MCFD2: variants seen among roughly 807,000 people sequenced by gnomAD.
MCFD2 encodes multiple coagulation factor deficiency protein 2.
MCFD2 carries 11 observed loss-of-function variants against 12.8 expected under a neutral mutation model. The observed-to-expected ratio is 0.86, with a 90% CI of 0.54 to 1.42. The LOEUF (loss-of-function observed/expected upper bound fraction) is 1.42, where lower values mean the gene tolerates loss of function less well. Among genes scored for constraint, MCFD2 ranks in the 40% most tolerant of loss-of-function variants. The pLI, the probability that MCFD2 is intolerant of heterozygous loss-of-function variation, is 0.00. For synonymous variants in MCFD2, 70 were observed against 68.1 expected (o/e 1.03, Z -0.14); for missense variants, 191 against 178.6 (o/e 1.07, Z -0.40).
intron 1 of MCFD2, among the ~76,000 whole-genome samples, chr2:46,939,643 G>T (rs921376113): frequency 6.6e-6 from 1 of 152,124 alleles, no homozygotes; most frequent in Non-Finnish European, 1.5e-5. Context: ...TTCTGCCAAG[G>T]TCGCCTCCCT....
Position 46,908,796 on chromosome 2 carries a change from C to T in MCFD2, c.149+227G>A. On this transcript the variant is annotated intron_variant, in intron 2 of 3. Transcript: ENST00000319466. The surrounding 1 kb of genome is among the most constrained non-coding windows in gnomAD (Gnocchi z 4.5). ...AAAAAAAGGAGAGACCGGATTCAGA[C>T]AAGTAATGTGCCCCATTTGGGCCTA... 1 of 593,062 alleles carries T rather than the reference C, an allele frequency of 1.7e-6. No homozygotes were observed. The highest frequency in any genetic ancestry group is 3.0e-6 in the Non-Finnish European group (1 of 335,044). The allele number at this position is 593,062 out of a possible 1,614,324, so 36.7% of individuals were successfully genotyped here. A position where few individuals can be genotyped will look rare whatever the true frequency, so the allele number is the denominator to read the frequency against.
chr2:46,906,170 A>C (rs997551914), intron 3 of MCFD2, among the ~76,000 whole-genome samples: 2 of 152,098 alleles, frequency 1.3e-5, no homozygotes, highest in Non-Finnish European at 2.9e-5. Context: ...CACATCTCCC[A>C]CATTCACCAT....
At chr2:46,928,092 A>G (rs1409229203) in intron 1 of MCFD2, among the ~76,000 whole-genome samples, 2 of 151,092 alleles carry the variant, frequency 1.3e-5, no homozygotes, top group East Asian at 2.0e-4. Context: ...GGTTTTTGCC[A>G]TGTTGCCCAG....
At chr2:46,915,923 G>C (rs1391213185), upstream of MCFD2, 18 of 985,082 alleles carry the variant, frequency 1.8e-5, no homozygotes, top group Non-Finnish European at 2.2e-5. Context: ...CGGCTCGCGT[G>C]AGTCCACGTG....
Position 46,941,777 on chromosome 2 carries a change from GCCT to G in MCFD2, c.-216_-214del, listed in dbSNP as rs1275022409. The stretch of plus-strand genomic sequence containing the variant: ...CGGCAGCGAGCGCGCGAAACGCACC[GCCT>G]CCTCCAGGAAGCGCGCCCAGACAGT... On this transcript the variant is annotated 5_prime_UTR_variant, in exon 1 of 3. Coordinates refer to the MCFD2 transcript ENST00000409147. This position sits in a 1 kb window ranked among gnomAD's most constrained non-coding sequence, Gnocchi z 4.2. 1.3e-6 allele frequency: 2 copies of G among 1,544,272 alleles called. No individual in the cohort carries two copies. Among genetic ancestry groups the G allele is most frequent in the Non-Finnish European group, 1.7e-6 (2 of 1,144,000 alleles).
intron 1 of MCFD2, among the ~76,000 whole-genome samples, chr2:46,910,376 C>T (rs1253018614): frequency 6.6e-6 from 1 of 152,182 alleles, no homozygotes; most frequent in Non-Finnish European, 1.5e-5. Context: ...CCTGACCGAA[C>T]ACTCACTTCC....
chr2:46,909,031 G>A lies in MCFD2; in HGVS notation c.141C>T (p.His47=), dbSNP rs778325740. The A allele has an allele frequency of 1.5e-4, 245 of 1,614,076 alleles. No individual in the cohort carries two copies. The highest frequency in any genetic ancestry group is 1.9e-4 in the Non-Finnish European group (230 of 1,180,032). ...GSMGLDKNTV[H]DQEHIMEHLE... is the part of the protein sequence containing the mutation. ...CCGGGCTGAATACGTACTCTTGGTC[G>A]TGCACTGTGTTCTTATCCAGGCCCA... The change falls in exon 2 of 4, where the codon CAC becomes CAT. Residue 47 remains histidine (H), a synonymous_variant. Coordinates refer to ENST00000319466, the MANE Select transcript of MCFD2 (RefSeq NM_139279.6).
At chr2:46,932,050 T>C (rs1270365960) in intron 1 of MCFD2, among the ~76,000 whole-genome samples, 1 of 152,154 alleles carries the variant, frequency 6.6e-6, no homozygotes, top group Admixed American at 6.6e-5. Flanking sequence ...AAAATTCAAT[T>C]TCAATCATAA....
At chr2:46,928,343 G>A (rs1289077285) in intron 1 of MCFD2, among the ~76,000 whole-genome samples, 1 of 151,696 alleles carries the variant, frequency 6.6e-6, no homozygotes. Flanking sequence ...TCCAGGCCAG[G>A]ATCAACTATG....
rs1670424471 is a variant in MCFD2, at chr2:46,941,804, G to A, written c.-240C>T. 6.6e-7 allele frequency: 1 copy of A among 1,519,290 alleles called. No individual in the cohort carries two copies. Among genetic ancestry groups the A allele is most frequent in the Non-Finnish European group, 8.9e-7 (1 of 1,126,118 alleles). The allele number at this position is 1,519,290 out of a possible 1,614,324, so 94.1% of individuals were successfully genotyped here. On this transcript the variant is annotated 5_prime_UTR_variant, in exon 1 of 3. Transcript: ENST00000409147. This position sits in a 1 kb window ranked among gnomAD's most constrained non-coding sequence, Gnocchi z 4.2. ...CTCCTCCAGGAAGCGCGCCCAGACAGTCCTCGGCCGACAGCGGGCGCCTGC... is the reference window on the plus strand; with the variant it reads ...CTCCTCCAGGAAGCGCGCCCAGACAATCCTCGGCCGACAGCGGGCGCCTGC...
rs1018237636 is a variant in MCFD2, at chr2:46,941,735, G to A, written c.-171C>T. The A allele has an allele frequency of 1.3e-6, 2 of 1,548,830 alleles. No homozygotes were observed. Among genetic ancestry groups the A allele is most frequent in the African/African-American group, 1.4e-5 (1 of 73,032 alleles). On this transcript the variant is annotated 5_prime_UTR_variant, in exon 1 of 3. Coordinates refer to the MCFD2 transcript ENST00000409147. The surrounding 1 kb of genome is among the most constrained non-coding windows in gnomAD (Gnocchi z 4.2). ...ACCTTTCCGGACACCGGTGAGTAAG[G>A]GAAGAGGCTGGCTCGCCGGCAGCGA...
rs1006795586 is a variant in MCFD2, at chr2:46,907,800, C to G, written c.309+10G>C. The G allele has an allele frequency of 6.2e-7, 1 of 1,614,006 alleles. No homozygotes were observed. The highest frequency in any genetic ancestry group is 8.5e-7 in the Non-Finnish European group (1 of 1,179,958). On this transcript the variant is annotated intron_variant, in intron 3 of 3. Coordinates refer to ENST00000319466, the MANE Select transcript of MCFD2 (RefSeq NM_139279.6). This position sits in a 1 kb window ranked among gnomAD's most constrained non-coding sequence, Gnocchi z 4.1. ...TGTGATACAGTCCCCCAAGCCACTG[C>G]CAGACCTACCTCCTTATGGACATGA...
rs578055409 is a variant in MCFD2, at chr2:46,905,056, T to A, written c.*407A>T. 13 of 316,056 alleles carry A rather than the reference T, an allele frequency of 4.1e-5. No homozygotes were observed. The East Asian group carries it at 1.1e-3, about 26-fold the overall frequency. 19.6% of individuals were successfully genotyped at this position (316,056 alleles called of 1,614,324 possible). A position where few individuals can be genotyped will look rare whatever the true frequency, so the allele number is the denominator to read the frequency against. ...ATGGCTTATCAGGGGTTTCCACTTT[T>A]GCTTCTTCCTCATTTTCTCTTGCTG... is the stretch of plus-strand genomic sequence containing the variant. On this transcript the variant is annotated 3_prime_UTR_variant, in exon 4 of 4. Coordinates refer to ENST00000319466, the MANE Select transcript of MCFD2 (RefSeq NM_139279.6).
chr2:46,909,030 C>T lies in MCFD2; in HGVS notation c.142G>A (p.Asp48Asn), dbSNP rs1162286700. The T allele has an allele frequency of 1.2e-5, 19 of 1,614,042 alleles. No individual in the cohort carries two copies. Among genetic ancestry groups the T allele is most frequent in the African/African-American group, 9.3e-5 (7 of 74,920 alleles). ...SMGLDKNTVH[D>N]QEHIMEHLEG... is the part of the protein sequence containing the mutation. ...CCCGGGCTGAATACGTACTCTTGGTCGTGCACTGTGTTCTTATCCAGGCCC... is the reference window on the plus strand; with the variant it reads ...CCCGGGCTGAATACGTACTCTTGGTTGTGCACTGTGTTCTTATCCAGGCCC... Residue 48 changes from aspartate (D) to asparagine (N), a missense_variant, in exon 2 of 4, where the codon GAC becomes AAC. By Grantham distance (23) the Asp-to-Asn change is conservative (BLOSUM62 1). Coordinates refer to ENST00000319466, the MANE Select transcript of MCFD2 (RefSeq NM_139279.6).
At chr2:46,918,239 TG>T (rs752152535), upstream of MCFD2, among the ~76,000 whole-genome samples, 10 of 152,244 alleles carry the variant, frequency 6.6e-5, no homozygotes, top group Non-Finnish European at 1.5e-4. Flanking sequence ...CTCATTCTGT[TG>T]TTCAAGCTAA....
rs148805152 is a variant in MCFD2 at position 46,915,465 on chromosome 2, C to T, written c.-7+258G>A. Among the ~76,000 whole-genome samples the T allele has an allele frequency of 9.7e-3, 1,482 of 152,310 alleles. 30 individuals carry two copies. The highest frequency in any genetic ancestry group is 0.033 in the African/African-American group (1,387 of 41,588). ...ACACAGCTGGTCCCACAGGCCGATC[C>T]TCGGGCCCCTAGGGACCAGGGAAGG... On this transcript the variant is annotated intron_variant, in intron 1 of 3. Coordinates refer to ENST00000319466, the MANE Select transcript of MCFD2 (RefSeq NM_139279.6).
intron 1 of MCFD2, among the ~76,000 whole-genome samples, chr2:46,939,631 A>C (rs937728475): frequency 2.6e-5 from 4 of 152,142 alleles, no homozygotes; most frequent in African/African-American, 9.7e-5. Context: ...AGGAGGTCTT[A>C]TTTCTGCCAA....
chr2:46,925,145 G>C (rs1033719369), intron 1 of MCFD2, among the ~76,000 whole-genome samples: 1 of 152,120 alleles, frequency 6.6e-6, no homozygotes, highest in Non-Finnish European at 1.5e-5. Context: ...AGTGATGGGG[G>C]TTGTCTGGCT....
In MCFD2 at chr2:46,941,395, GCCGCCCGGGCCCCCGC is replaced by G. The variant is rs1670356521; in HGVS notation, c.-8+161_-8+176del. On this transcript the variant is annotated intron_variant, in intron 1 of 2. Coordinates refer to the MCFD2 transcript ENST00000409147. The surrounding 1 kb of genome is among the most constrained non-coding windows in gnomAD (Gnocchi z 4.2). ...CTGCTGCTGCTGCTGCCCACCCTCC[GCCGCCCGGGCCCCCGC>G]TGCCGCCCGGGCCCCGGCTGCCGTC... 2 of 625,846 alleles carry G rather than the reference GCCGCCCGGGCCCCCGC, an allele frequency of 3.2e-6. No homozygotes were observed. Among genetic ancestry groups the G allele is most frequent in the Non-Finnish European group, 4.3e-6 (2 of 470,572 alleles). The allele number at this position is 625,846 out of a possible 1,614,324, so 38.8% of individuals were successfully genotyped here. A position where few individuals can be genotyped will look rare whatever the true frequency, so the allele number is the denominator to read the frequency against.
Sources: gnomAD v4.1 joint callset for allele counts (sites outside exome capture counted in the v4.1 genomes callset) on GRCh38, gnomAD v4.1.1 for gene constraint, Gnocchi (gnomAD v3.1) non-coding constraint, MANE v1.5 for transcripts, NCBI Gene and HGNC (gene_info 2026-07-23, HGNC 2026-07-21) for gene names.